SOX10: variants seen among roughly 807,000 people sequenced by gnomAD.
SOX10 encodes the protein transcription factor SOX-10.
SOX10 carries 3 observed loss-of-function variants against 35.0 expected under a neutral mutation model. The ratio of observed to expected loss-of-function variants is 0.09; its 90% CI spans 0.04 to 0.22. SOX10 has a LOEUF of 0.22. SOX10 is among the 10% of genes least tolerant of loss of function. The pLI, the probability that SOX10 is intolerant of heterozygous loss-of-function variation, is 1.00. For synonymous variants in SOX10, 285 were observed against 291.0 expected (o/e 0.98, Z 0.21); for missense variants, 436 against 655.1 (o/e 0.67, Z 3.65).
Position 37,972,364 on chromosome 22 carries a change from G to A in SOX10, c.*1131C>T, listed in dbSNP as rs1017319497. The A allele has an allele frequency of 7.1e-5, 40 of 565,628 alleles. 1 individual carries two copies. In the Middle Eastern group the frequency reaches 9.4e-4, roughly 13 times the overall value. The allele number at this position is 565,628 out of a possible 1,614,324, so 35.0% of individuals were successfully genotyped here. A position where few individuals can be genotyped will look rare whatever the true frequency, so the allele number is the denominator to read the frequency against. Reference sequence around the variant, plus strand: ...GGAATGCTTAATGCAGAGTTAATAGGGGCTAGAGTGGCTAGGAGAGGGGAC... The same window carrying A: ...GGAATGCTTAATGCAGAGTTAATAGAGGCTAGAGTGGCTAGGAGAGGGGAC... On this transcript the variant is annotated 3_prime_UTR_variant, in exon 4 of 4. Coordinates refer to ENST00000396884, the MANE Select transcript of SOX10 (RefSeq NM_006941.4).
chr22:37,973,741 C>A lies in SOX10; in HGVS notation c.1155G>T (p.Leu385=). 1 of 1,602,332 alleles carries A rather than the reference C, an allele frequency of 6.2e-7. No homozygotes were observed. Among genetic ancestry groups the A allele is most frequent in the Non-Finnish European group, 8.5e-7 (1 of 1,172,064 alleles). Residue 385 remains leucine, a synonymous_variant, in exon 4 of 4, where the codon CTG becomes CTT. Coordinates refer to ENST00000396884, the MANE Select transcript of SOX10 (RefSeq NM_006941.4). ...AGGGGAAGGCTGAGCCATAGTGGGG[C>A]AGGCTGAGGGAGGTGTAGGCGATCT... ...TSQIAYTSLS[L]PHYGSAFPSI...
Position 37,977,970 on chromosome 22 carries a change from A to C in SOX10, c.594T>G (p.Gly198=), listed in dbSNP as rs2145768206. The C allele has an allele frequency of 6.2e-7, 1 of 1,611,758 alleles. No homozygotes were observed. The highest frequency in any genetic ancestry group is 8.5e-7 in the Non-Finnish European group (1 of 1,179,814). Residue 198 remains glycine (G), a synonymous_variant, in exon 3 of 4, where the codon GGT becomes GGG. Transcript: ENST00000396884. ...AECPGGEAEQ[G]GTAAIQAHYK... ...AGTGGGCCTGGATGGCGGCGGTCCC[A>C]CCTTGCTCGGCCTCCCCACCGGGGC...
chr22:37,973,571 G>C lies in SOX10; in HGVS notation c.1325C>G (p.Pro442Arg), dbSNP rs762229976. 1 of 1,612,888 alleles carries C rather than the reference G, an allele frequency of 6.2e-7. No individual in the cohort carries two copies. The highest frequency in any genetic ancestry group is 8.5e-7 in the Non-Finnish European group (1 of 1,179,670). The change falls in exon 4 of 4, where the codon CCC becomes CGC. Residue 442 changes from proline to arginine, a missense_variant. Transcript: ENST00000396884. ...QRPLYTAISD[P>R]SPSGPQSHSP... ...GTGGGACTGGGGCCCTGAGGGGCTG[G>C]GGTCAGAGATGGCCGTGTAGAGGGG...
At chr22:37,979,174 T>A (rs1486668684) in intron 2 of SOX10, among the ~76,000 whole-genome samples, 1 of 152,148 alleles carries the variant, frequency 6.6e-6, no homozygotes, top group Non-Finnish European at 1.5e-5. Flanking sequence ...CTCAGCTCAC[T>A]GCAATCTCGG....
intron 2 of SOX10, among the ~76,000 whole-genome samples, chr22:37,982,145 C>T (rs1202671344): frequency 6.6e-6 from 1 of 152,190 alleles, no homozygotes; most frequent in Non-Finnish European, 1.5e-5. Context: ...TTCCCCCCAA[C>T]CTCCTGACCA....
chr22:37,983,835 C>A lies in SOX10; in HGVS notation c.-51G>T. ...GCCTCGGCCGCCTCCCCCGGGCCAG[C>A]CGCCGGGGTCCTCGCAAAGAGTCCA... On this transcript the variant is annotated 5_prime_UTR_variant, in exon 2 of 4. Coordinates refer to ENST00000396884, the MANE Select transcript of SOX10 (RefSeq NM_006941.4). This position sits in a 1 kb window ranked among gnomAD's most constrained non-coding sequence, Gnocchi z 9.5. The A allele has an allele frequency of 7.5e-7, 1 of 1,335,418 alleles. No individual in the cohort carries two copies. Among genetic ancestry groups the A allele is most frequent in the South Asian group, 1.5e-5 (1 of 64,842 alleles). The allele number at this position is 1,335,418 out of a possible 1,614,324, so 82.7% of individuals were successfully genotyped here. A position where few individuals can be genotyped will look rare whatever the true frequency, so the allele number is the denominator to read the frequency against.
Position 37,983,794 on chromosome 22 carries a change from G to GGCA in SOX10, c.-11_-10insTGC. The GGCA allele has an allele frequency of 7.0e-7, 1 of 1,419,990 alleles. No homozygotes were observed. The highest frequency in any genetic ancestry group is 9.2e-7 in the Non-Finnish European group (1 of 1,084,406). 88.0% of individuals were successfully genotyped at this position (1,419,990 alleles called of 1,614,324 possible). ...CCTGCTCCTCCGCCATGTCGCCCCC[G>GGCA]GCCGCCGCCGCCGCCGCCTCGGCCG... On this transcript the variant is annotated 5_prime_UTR_variant, in exon 2 of 4. Coordinates refer to ENST00000396884, the MANE Select transcript of SOX10 (RefSeq NM_006941.4). This position sits in a 1 kb window ranked among gnomAD's most constrained non-coding sequence, Gnocchi z 9.5.
rs1468271414 is a variant in SOX10 at position 37,973,426 on chromosome 22, T to C, written c.*69A>G. The C allele has an allele frequency of 9.6e-7, 1 of 1,037,672 alleles. No homozygotes were observed. Among genetic ancestry groups the C allele is most frequent in the African/African-American group, 1.6e-5 (1 of 62,396 alleles). The allele number at this position is 1,037,672 out of a possible 1,614,324, so 64.3% of individuals were successfully genotyped here. ...TCCACTGCCACCACCAGGCCTGAGGTGGGCAAGGAACAGGGCACACAGGCT... is the reference window on the plus strand; with the variant it reads ...TCCACTGCCACCACCAGGCCTGAGGCGGGCAAGGAACAGGGCACACAGGCT... On this transcript the variant is annotated 3_prime_UTR_variant, in exon 4 of 4. Coordinates refer to ENST00000396884, the MANE Select transcript of SOX10 (RefSeq NM_006941.4).
intron 2 of SOX10, among the ~76,000 whole-genome samples, chr22:37,979,296 C>T (rs1173868222): frequency 6.6e-6 from 1 of 151,954 alleles, no homozygotes; most frequent in Non-Finnish European, 1.5e-5. Context: ...CGAGGTTTCA[C>T]CATATTGGCC....
At position 37,979,304 on chromosome 22, in the gene SOX10, G is replaced by A. The variant is rs1239909401; in HGVS notation, c.429-1169C>T. On this transcript the variant is annotated intron_variant, in intron 2 of 3. Coordinates refer to ENST00000396884, the MANE Select transcript of SOX10 (RefSeq NM_006941.4). The stretch of plus-strand genomic sequence containing the variant: ...GTAGAGACGAGGTTTCACCATATTG[G>A]CCAGGCTGGTCTCCAACTCCTGACC... 1.3e-4 allele frequency among the ~76,000 whole-genome samples: 20 copies of A among 148,286 alleles called. No individual in the cohort carries two copies. The East Asian group carries it at 1.4e-3, about 11-fold the overall frequency.
chr22:37,973,010 C>T lies in SOX10; in HGVS notation c.*485G>A, dbSNP rs550395902. On this transcript the variant is annotated 3_prime_UTR_variant, in exon 4 of 4. Coordinates refer to ENST00000396884, the MANE Select transcript of SOX10 (RefSeq NM_006941.4). ...ACTCTCAGCCCCTGAGTGGGAGACA[C>T]GGCCAGCTCCGGGCACAGTCTCTGG... 1.1e-4 allele frequency: 17 copies of T among 157,606 alleles called. 1 individual carries two copies. Among genetic ancestry groups the T allele is most frequent in the African/African-American group, 3.4e-4 (14 of 41,660 alleles). The allele number at this position is 157,606 out of a possible 1,614,324, so 9.8% of individuals were successfully genotyped here.
intron 2 of SOX10, among the ~76,000 whole-genome samples, chr22:37,981,026 C>A (rs1291161938): frequency 6.6e-6 from 1 of 152,226 alleles, no homozygotes; most frequent in African/African-American, 2.4e-5. Flanking sequence ...TCAGCCTCAA[C>A]TAGCCCCTCC....
chr22:37,972,546 T>C lies in SOX10; in HGVS notation c.*949A>G. On this transcript the variant is annotated 3_prime_UTR_variant, in exon 4 of 4. Coordinates refer to ENST00000396884, the MANE Select transcript of SOX10 (RefSeq NM_006941.4). ...GGGCAGAATGTACAGGTCAGGATTC[T>C]AGTGTCTTCAGCCTGCCGACAGCAA... 3.9e-6 allele frequency: 1 copy of C among 258,882 alleles called. No homozygotes were observed. Among genetic ancestry groups the C allele is most frequent in the Non-Finnish European group, 7.6e-6 (1 of 130,726 alleles). 16.0% of individuals were successfully genotyped at this position (258,882 alleles called of 1,614,324 possible).
Position 37,983,587 on chromosome 22 carries a change from G to C in SOX10, c.198C>G (p.Asp66Glu), listed in dbSNP as rs1422539913. 1 of 1,609,710 alleles carries C rather than the reference G, an allele frequency of 6.2e-7. No individual in the cohort carries two copies. Among genetic ancestry groups the C allele is most frequent in the Non-Finnish European group, 8.5e-7 (1 of 1,178,954 alleles). The change falls in exon 2 of 4, where the codon GAC becomes GAG. Residue 66 changes from aspartate to glutamate, a missense_variant. Around this residue, in one of 3 missense-constraint regions of SOX10, gnomAD observed 97 missense variants for 95.5 expected, o/e 1.02. Transcript: ENST00000396884. The surrounding 1 kb of genome is among the most constrained non-coding windows in gnomAD (Gnocchi z 9.5). ...KEQQDGEADD[D>E]KFPVCIREAV... ...CCTCGCGGATGCACACGGGGAACTT[G>C]TCATCGTCCGCCTCGCCGTCCTGCT... is the stretch of plus-strand genomic sequence containing the variant.
Position 37,973,355 on chromosome 22 carries a change from C to A in SOX10, c.*140G>T. On this transcript the variant is annotated 3_prime_UTR_variant, in exon 4 of 4. Coordinates refer to ENST00000396884, the MANE Select transcript of SOX10 (RefSeq NM_006941.4). ...TGGGTCATCAGGGCAGTGAGCCAGA[C>A]AGAAAGCCCCCCGACCTGTCAGCCT... The A allele has an allele frequency of 6.3e-6, 4 of 632,246 alleles. No individual in the cohort carries two copies. The South Asian group carries it at 8.1e-5, about 13-fold the overall frequency. The allele number at this position is 632,246 out of a possible 1,614,324, so 39.2% of individuals were successfully genotyped here.
At chr22:37,981,600 G>A (rs537013758) in intron 2 of SOX10, among the ~76,000 whole-genome samples, 39 of 152,324 alleles carry the variant, frequency 2.6e-4, no homozygotes, top group African/African-American at 9.1e-4. Context: ...AATGAGGTCC[G>A]TCCTTGCTTT....
Position 37,974,014 on chromosome 22 carries a change from C to T in SOX10, c.882G>A (p.Val294=), listed in dbSNP as rs1338276256. The change falls in exon 4 of 4, where the codon GTG becomes GTA. Residue 294 remains valine, a synonymous_variant. Transcript: ENST00000396884. The surrounding 1 kb of genome is among the most constrained non-coding windows in gnomAD (Gnocchi z 5.4). The part of the protein sequence containing the change: ...EVMSNMETFD[V]AELDQYLPPN... ...GCGGCAGGTACTGGTCCAACTCAGCCACATCAAAGGTCTCCATGTTGGACA... is the reference window on the plus strand; with the variant it reads ...GCGGCAGGTACTGGTCCAACTCAGCTACATCAAAGGTCTCCATGTTGGACA... The T allele has an allele frequency of 1.2e-6, 2 of 1,613,692 alleles. No homozygotes were observed. Among genetic ancestry groups the T allele is most frequent in the African/African-American group, 1.3e-5 (1 of 74,934 alleles).
chr22:37,982,704 G>A (rs1932438332), intron 2 of SOX10, among the ~76,000 whole-genome samples: 1 of 152,174 alleles, frequency 6.6e-6, no homozygotes, highest in African/African-American at 2.4e-5. Flanking sequence ...GGTGACTCTG[G>A]GGCAGGGCAG....
chr22:37,979,211 C>T (rs1451878099), intron 2 of SOX10, among the ~76,000 whole-genome samples: 1 of 152,126 alleles, frequency 6.6e-6, no homozygotes, highest in African/African-American at 2.4e-5. Context: ...GATTCTCCTG[C>T]CTCAGCCTCC....
Sources: gnomAD v4.1 joint callset for allele counts (sites outside exome capture counted in the v4.1 genomes callset) on GRCh38, gnomAD v4.1.1 for gene constraint, gnomAD v4.1.1 regional missense constraint, Gnocchi (gnomAD v3.1) non-coding constraint, MANE v1.5 for transcripts, NCBI Gene and HGNC (gene_info 2026-07-23, HGNC 2026-07-21) for gene names.